Variants in SKA3 observed in about 807,000 individuals in gnomAD.
SKA3 encodes spindle and kinetochore-associated protein 3.
In SKA3, 39 loss-of-function variants were observed where a neutral mutation model predicts 44.2. The ratio of observed to expected loss-of-function variants is 0.88; its 90% CI spans 0.68 to 1.15. SKA3 has a LOEUF of 1.15. Among genes scored for constraint, SKA3 ranks in the 50% most tolerant of loss-of-function variants. The probability of loss-of-function intolerance (pLI) is 0.00; values close to 1 mark genes in which losing one functional copy is unlikely to be tolerated. For missense variants in SKA3, 511 were observed against 485.8 expected, an observed-to-expected ratio of 1.05 and a Z score of -0.49; for synonymous variants, 192 against 172.0, an observed-to-expected ratio of 1.12 and a Z score of -0.91.
intron 7 of SKA3, 78 bp from the exon 8 acceptor site, chr13:21,155,889 G>A (rs1870093974): frequency 2.6e-6 from 2 of 773,038 alleles, no homozygotes; most frequent in Non-Finnish European, 4.0e-6. Flanking sequence ...GTTACAAAAT[G>A]TTCAATAAAA....
Position 21,161,812 on chromosome 13 carries a change from G to A in SKA3, c.807C>T (p.Ile269=). 1 of 1,611,832 alleles carries A rather than the reference G, an allele frequency of 6.2e-7. No homozygotes were observed. The highest frequency in any genetic ancestry group is 8.5e-7 in the Non-Finnish European group (1 of 1,178,560). The change falls in exon 5 of 9, where the codon ATC becomes ATT. Residue 269 remains isoleucine (I), a synonymous_variant. Transcript: ENST00000314759. ...NDNVFATPSP[I]IQQLEKSDAE... is the part of the protein sequence containing the mutation. The stretch of plus-strand genomic sequence containing the variant: ...TACCACTTTTTTCCAACTGCTGGAT[G>A]ATGGGGCTGGGAGTGGCAAAAACAT...
intron 4 of SKA3, among the ~76,000 whole-genome samples, chr13:21,164,612 C>A (rs1022360469): frequency 3.3e-4 from 51 of 152,284 alleles, no homozygotes; most frequent in African/African-American, 1.2e-3. Flanking sequence ...TTAGTCGTAT[C>A]TATTCCTGTC....
At chr13:21,168,549 C>CCCTGTCTCAAT in intron 3 of SKA3, 150 bp from the exon 4 acceptor site, 1 of 751,876 alleles carries the variant, frequency 1.3e-6, no homozygotes, top group Non-Finnish European at 2.1e-6. Context: ...TTTATTGAGA[C>CCCTGTCTCAAT]AGGGTCTCGC....
chr13:21,170,386 G>T (rs1238340044), intron 3 of SKA3, among the ~76,000 whole-genome samples: 1 of 151,700 alleles, frequency 6.6e-6, no homozygotes, highest in Admixed American at 6.6e-5. Flanking sequence ...CACCATGTTG[G>T]CTAGGCTGGT....
At chr13:21,172,741 A>G (rs1008232121) in intron 1 of SKA3, 60 bp from the exon 2 acceptor site, 3 of 1,006,950 alleles carry the variant, frequency 3.0e-6, no homozygotes, top group Non-Finnish European at 4.4e-6. Context: ...GGAGGAAGAA[A>G]AAGAATAGTA....
intron 6 of SKA3, among the ~76,000 whole-genome samples, chr13:21,158,584 G>A (rs2137358686): frequency 6.6e-6 from 1 of 152,280 alleles, no homozygotes; most frequent in African/African-American, 2.4e-5. Context: ...TCGCGCCACT[G>A]CACTCCAGCC....
At position 21,168,062 on chromosome 13, in the gene SKA3, A is replaced by G. The variant is rs758342791; in HGVS notation, c.669T>C (p.Phe223=). The G allele has an allele frequency of 1.4e-5, 22 of 1,613,634 alleles. No homozygotes were observed. Among genetic ancestry groups the G allele is most frequent in the Admixed American group, 8.3e-5 (5 of 59,918 alleles). ...FECVTPKLEH[F]GISEYTMCLN... is the part of the protein sequence containing the mutation. Reference sequence around the variant, plus strand: ...AACACATAGTATATTCAGAGATACCAAAGTGTTCTAATTTAGGAGTTACAC... The same window carrying G: ...AACACATAGTATATTCAGAGATACCGAAGTGTTCTAATTTAGGAGTTACAC... Residue 223 remains phenylalanine (F), a synonymous_variant, in exon 4 of 9, where the codon TTT becomes TTC. Transcript: ENST00000314759.
At position 21,172,357 on chromosome 13, in the gene SKA3, G is replaced by A. The variant is rs1254353577; in HGVS notation, c.313C>T (p.Arg105Cys). 51 of 1,558,322 alleles carry A rather than the reference G, an allele frequency of 3.3e-5. No individual in the cohort carries two copies. The highest frequency in any genetic ancestry group is 4.2e-5 in the Non-Finnish European group (49 of 1,155,526). ...TTCAAACCTGAATTTTTCTTGACAC[G>A]TGGACTATATCCATACTTCTGGAAA... Reference protein sequence around the residue: ...EYFQKYGYSPRVKKNSVHEQE... With the variant: ...EYFQKYGYSPCVKKNSVHEQE... Residue 105 changes from arginine (R) to cysteine (C), a missense_variant, in exon 3 of 9, where the codon CGT (arginine) becomes TGT (cysteine). Physicochemically the swap from Arg to Cys is radical, Grantham distance 180. Coordinates refer to ENST00000314759, the MANE Select transcript of SKA3 (RefSeq NM_145061.6).
intron 6 of SKA3, among the ~76,000 whole-genome samples, chr13:21,158,511 A>G (rs1870257916): frequency 6.6e-6 from 1 of 152,102 alleles, no homozygotes; most frequent in African/African-American, 2.4e-5. Flanking sequence ...AATCCCAGCT[A>G]CTCAGGAGAC....
intron 4 of SKA3, among the ~76,000 whole-genome samples, chr13:21,164,903 T>C (rs554691328): frequency 6.6e-6 from 1 of 152,130 alleles, no homozygotes; most frequent in African/African-American, 2.4e-5. Context: ...TATTTCTGAA[T>C]AGAATAAACA....
chr13:21,159,872 A>T (rs1457363230), intron 6 of SKA3, 30 bp downstream of exon 6: 3 of 1,155,216 alleles, frequency 2.6e-6, no homozygotes, highest in Non-Finnish European at 2.3e-6. Flanking sequence ...TAGGAGAAAG[A>T]CTGTGGCTTT....
At chr13:21,172,222 C>A (rs1226912190) in intron 3 of SKA3, 117 bp downstream of exon 3, 9 of 644,446 alleles carry the variant, frequency 1.4e-5, no homozygotes, top group Non-Finnish European at 2.3e-5. Flanking sequence ...ATCAAATAAG[C>A]GTCAGATAAC....
At chr13:21,166,641 C>T (rs952920379) in intron 4 of SKA3, among the ~76,000 whole-genome samples, 1 of 152,030 alleles carries the variant, frequency 6.6e-6, no homozygotes, top group East Asian at 1.9e-4. Context: ...GGCTGAGGCA[C>T]GAGAATCACT....
chr13:21,167,492 C>G (rs944590951), intron 4 of SKA3, among the ~76,000 whole-genome samples: 1 of 152,052 alleles, frequency 6.6e-6, no homozygotes, highest in East Asian at 1.9e-4. Context: ...ATTGGCCGGG[C>G]GCGGTGGCTC....
intron 3 of SKA3, among the ~76,000 whole-genome samples, chr13:21,170,752 C>T (rs145190537): frequency 1.3e-5 from 2 of 152,112 alleles, no homozygotes; most frequent in Admixed American, 1.3e-4. Flanking sequence ...TTATTATCCC[C>T]ATCTTATAAG....
intron 1 of SKA3, among the ~76,000 whole-genome samples, chr13:21,175,166 C>T (rs985748182): frequency 1.3e-5 from 2 of 151,360 alleles, no homozygotes; most frequent in African/African-American, 2.4e-5. Flanking sequence ...TTAGTAGAGA[C>T]GAGGTTTCAC....
intron 1 of SKA3, among the ~76,000 whole-genome samples, chr13:21,173,133 A>AT (rs1198538194): frequency 6.6e-6 from 1 of 150,940 alleles, no homozygotes; most frequent in Non-Finnish European, 1.5e-5. Context: ...AATGAACTTT[A>AT]TAAAATGAGC....
chr13:21,169,366 A>AT (rs1288212171), intron 3 of SKA3, among the ~76,000 whole-genome samples: 1 of 151,838 alleles, frequency 6.6e-6, no homozygotes, highest in Admixed American at 6.6e-5. Flanking sequence ...TGCCCAGCTA[A>AT]TTTTTTGTAT....
intron 3 of SKA3, 86 bp downstream of exon 3, chr13:21,172,253 C>T: frequency 1.3e-6 from 1 of 752,974 alleles, no homozygotes; most frequent in Non-Finnish European, 1.9e-6. Flanking sequence ...GAACTAAAAA[C>T]CATAGCCAAG....
Sources: gnomAD v4.1 joint callset for allele counts (sites outside exome capture counted in the v4.1 genomes callset) on GRCh38, gnomAD v4.1.1 for gene constraint, MANE v1.5 for transcripts, NCBI Gene and HGNC (gene_info 2026-07-23, HGNC 2026-07-21) for gene names.